EPN1: variants seen among roughly 807,000 people sequenced by gnomAD.
The protein encoded by EPN1 is epsin-1.
In EPN1, 25 loss-of-function variants were observed where a neutral mutation model predicts 56.9. That is an observed-to-expected ratio of 0.44 (90% confidence interval 0.32 to 0.61). The LOEUF is 0.61. EPN1 is among the 20% of genes least tolerant of loss of function. The pLI, the probability that EPN1 is intolerant of heterozygous loss-of-function variation, is 0.05. For missense variants in EPN1, 785 were observed against 823.7 expected (o/e 0.95, Z 0.58); for synonymous variants, 411 against 361.8 (o/e 1.14, Z -1.54).
Position 55,695,266 on chromosome 19 carries a change from G to A in EPN1, c.1641G>A (p.Thr547=), listed in dbSNP as rs367985905. ...CTCCCGTCCCTGGAGCGCCACCCAC[G>A]TACATCTCTCCCCTTGGCGGGGGCC... ...PVPPVPGAPP[T]YISPLGGGPG... is the part of the protein sequence containing the mutation. The change falls in exon 11 of 11, where the codon ACG becomes ACA. Residue 547 remains threonine, a synonymous_variant. Coordinates refer to ENST00000270460, the MANE Select transcript of EPN1 (RefSeq NM_001130072.2). This position sits in a 1 kb window ranked among gnomAD's most constrained non-coding sequence, Gnocchi z 4.4. The A allele has an allele frequency of 2.5e-5, 40 of 1,607,774 alleles. No individual in the cohort carries two copies. The highest frequency in any genetic ancestry group is 1.6e-4 in the Middle Eastern group (1 of 6,080).
chr19:55,682,724 C>T (rs943788593), intron 2 of EPN1, among the ~76,000 whole-genome samples: 4 of 151,944 alleles, frequency 2.6e-5, no homozygotes, highest in African/African-American at 9.7e-5. Context: ...TTTGCCACTG[C>T]ACCCGATTTT....
rs760203814 is a variant in EPN1, at chr19:55,695,121, C to T, written c.1523-27C>T. 31 of 1,613,114 alleles carry T rather than the reference C, an allele frequency of 1.9e-5. No individual in the cohort carries two copies. The Admixed American group carries it at 3.8e-4, about 20-fold the overall frequency. ...GTGGGCTGCGCCACTGACTCCACTC[C>T]GTGTCTCTGGTTTACTCTTCCTGCA... On this transcript the variant is annotated intron_variant, in intron 10 of 10. Coordinates refer to ENST00000270460, the MANE Select transcript of EPN1 (RefSeq NM_001130072.2). This position sits in a 1 kb window ranked among gnomAD's most constrained non-coding sequence, Gnocchi z 4.4.
intron 1 of EPN1, chr19:55,677,255 C>CT: frequency 8.4e-7 from 1 of 1,194,238 alleles, no homozygotes; most frequent in South Asian, 1.3e-5. Flanking sequence ...ACCTCTGTGT[C>CT]TCAGTTTCCA....
At position 55,706,232 on chromosome 19, in the gene EPN1, TTTC is replaced by T; in HGVS notation, c.*10881_*10883del. 1 of 152,038 alleles carries T rather than the reference TTTC, an allele frequency of 6.6e-6. No individual in the cohort carries two copies. The highest frequency in any genetic ancestry group is 1.4e-5 in the Non-Finnish European group (1 of 69,234). The allele number at this position is 152,038 out of a possible 1,614,324, so 9.4% of individuals were successfully genotyped here. Reference sequence around the variant, plus strand: ...ATTTTTCTTTCTTCCTTTCCTCCTCTTTCTTCTCCTTTTTCCTCCTCTTTTCTT... The same window carrying T: ...ATTTTTCTTTCTTCCTTTCCTCCTCTTTCTCCTTTTTCCTCCTCTTTTCTT... On this transcript the variant is annotated 3_prime_UTR_variant, in exon 11 of 11. Transcript: ENST00000270460.
In EPN1 at chr19:55,678,579, C is replaced by T. The variant is rs775859328; in HGVS notation, c.-49C>T. On this transcript the variant is annotated 5_prime_UTR_variant, in exon 2 of 11. Transcript: ENST00000270460. ...AGCCTTCGTCCGGGAGTCGCCCCAT[C>T]TCTCCACGCATCGGGGCCCTGTGCC... is the stretch of plus-strand genomic sequence containing the variant. 3 of 1,567,384 alleles carry T rather than the reference C, an allele frequency of 1.9e-6. No individual in the cohort carries two copies. The highest frequency in any genetic ancestry group is 2.7e-5 in the African/African-American group (2 of 73,908).
chr19:55,698,585 T>C lies in EPN1; in HGVS notation c.*3229T>C, dbSNP rs1987000923. ...CTCGCCCTATCCTCGCTCCTCGCCC[T>C]ACGCTTGCCCCTCGCTCTGGAGCTG... On this transcript the variant is annotated 3_prime_UTR_variant, in exon 11 of 11. Transcript: ENST00000270460. 1 of 152,520 alleles carries C rather than the reference T, an allele frequency of 6.6e-6. No homozygotes were observed. The highest frequency in any genetic ancestry group is 6.5e-5 in the Admixed American group (1 of 15,282). 9.4% of individuals were successfully genotyped at this position (152,520 alleles called of 1,614,324 possible). A position where few individuals can be genotyped will look rare whatever the true frequency, so the allele number is the denominator to read the frequency against.
chr19:55,705,573 C>G lies in EPN1; in HGVS notation c.*10217C>G, dbSNP rs112447293. ...CTGAGATGGGAGAATCGTTTGAGCC[C>G]GGGAGGTGGAGGTTGCAGTGAGCCG... On this transcript the variant is annotated 3_prime_UTR_variant, in exon 11 of 11. Transcript: ENST00000270460. 6.6e-6 allele frequency: 1 copy of G among 152,002 alleles called. No individual in the cohort carries two copies. The highest frequency in any genetic ancestry group is 6.6e-5 in the Admixed American group (1 of 15,254). 9.4% of individuals were successfully genotyped at this position (152,002 alleles called of 1,614,324 possible). A position where few individuals can be genotyped will look rare whatever the true frequency, so the allele number is the denominator to read the frequency against.
At chr19:55,690,021 G>A in intron 6 of EPN1, 71 bp downstream of exon 6, 1 of 1,406,134 alleles carries the variant, frequency 7.1e-7, no homozygotes, top group Non-Finnish European at 9.7e-7. Context: ...ATTCCTGCGT[G>A]GCCAGGTCCC....
intron 9 of EPN1, among the ~76,000 whole-genome samples, chr19:55,693,868 C>T (rs1184965699): frequency 6.6e-6 from 1 of 151,962 alleles, no homozygotes; most frequent in Non-Finnish European, 1.5e-5. Flanking sequence ...CTTTTTTGTC[C>T]CATACAAATG....
intron 1 of EPN1, chr19:55,677,030 C>T (rs1366619340): frequency 2.2e-6 from 3 of 1,349,148 alleles, no homozygotes; most frequent in Non-Finnish European, 3.0e-6. Context: ...TTTTAACTAG[C>T]TACATCTGTC....
intron 3 of EPN1, among the ~76,000 whole-genome samples, chr19:55,688,106 G>T (rs2122195669): frequency 6.6e-6 from 1 of 152,340 alleles, no homozygotes; most frequent in South Asian, 2.1e-4. Context: ...GGCTTTGGAG[G>T]CTGGGGCAAT....
chr19:55,701,129 C>G lies in EPN1; in HGVS notation c.*5773C>G, dbSNP rs1004219255. The G allele has an allele frequency of 5.3e-5, 8 of 152,138 alleles. No homozygotes were observed. The highest frequency in any genetic ancestry group is 1.9e-4 in the African/African-American group (8 of 41,424). 9.4% of individuals were successfully genotyped at this position (152,138 alleles called of 1,614,324 possible). Reference sequence around the variant, plus strand: ...CTGGACTCGGTGCTTGAAACATGTCCTGACAGCCACATGAAAAGGGTTAGA... The same window carrying G: ...CTGGACTCGGTGCTTGAAACATGTCGTGACAGCCACATGAAAAGGGTTAGA... On this transcript the variant is annotated 3_prime_UTR_variant, in exon 11 of 11. Coordinates refer to ENST00000270460, the MANE Select transcript of EPN1 (RefSeq NM_001130072.2).
rs1325874989 is a variant in EPN1 at position 55,704,482 on chromosome 19, AGGAGAGAGGCCTTGGC to A, written c.*9130_*9145del. ...GGAGAAGACAGCCGTCTGGGAGCCA[AGGAGAGAGGCCTTGGC>A]GGAAGCCAACCCTGCAGCACCTTCA... On this transcript the variant is annotated 3_prime_UTR_variant, in exon 11 of 11. Transcript: ENST00000270460. 1 of 152,262 alleles carries A rather than the reference AGGAGAGAGGCCTTGGC, an allele frequency of 6.6e-6. No individual in the cohort carries two copies. The highest frequency in any genetic ancestry group is 6.5e-5 in the Admixed American group (1 of 15,286). The allele number at this position is 152,262 out of a possible 1,614,324, so 9.4% of individuals were successfully genotyped here.
At position 55,706,969 on chromosome 19, in the gene EPN1, G is replaced by A. The variant is rs1987454222; in HGVS notation, c.*11613G>A. On this transcript the variant is annotated 3_prime_UTR_variant, in exon 11 of 11. Coordinates refer to ENST00000270460, the MANE Select transcript of EPN1 (RefSeq NM_001130072.2). ...GCAGGCGGATTACCTCAGGTCAGGA[G>A]TTTGAGACCAGCCTGACCAACATGG... The A allele has an allele frequency of 1.3e-5, 2 of 152,210 alleles. No individual in the cohort carries two copies. 9.4% of individuals were successfully genotyped at this position (152,210 alleles called of 1,614,324 possible). A position where few individuals can be genotyped will look rare whatever the true frequency, so the allele number is the denominator to read the frequency against.
rs1201053969 is a variant in EPN1 at position 55,692,711 on chromosome 19, A to G, written c.1092A>G (p.Ser364=). ...GTGGGGTCCCGGTCAGTGGGCCCTC[A>G]GCCTCCGATCCCTGGACACCGGCCC... The part of the protein sequence containing the change: ...SDGGVPVSGP[S]ASDPWTPAPA... The change falls in exon 8 of 11, where the codon TCA becomes TCG. Residue 364 remains serine (S), a synonymous_variant. Coordinates refer to ENST00000270460, the MANE Select transcript of EPN1 (RefSeq NM_001130072.2). 3 of 1,554,988 alleles carry G rather than the reference A, an allele frequency of 1.9e-6. No individual in the cohort carries two copies. The highest frequency in any genetic ancestry group is 2.6e-6 in the Non-Finnish European group (3 of 1,149,524).
intron 3 of EPN1, among the ~76,000 whole-genome samples, chr19:55,686,199 C>T (rs573387362): frequency 6.6e-6 from 1 of 152,334 alleles, no homozygotes; most frequent in African/African-American, 2.4e-5. Context: ...TGAAATAGTG[C>T]ATCCCACATC....
intron 1 of EPN1, 47 bp from the exon 2 acceptor site, chr19:55,678,480 C>T: frequency 6.7e-7 from 1 of 1,494,716 alleles, no homozygotes; most frequent in Non-Finnish European, 8.9e-7. Flanking sequence ...GGGCTCTGGG[C>T]AGGCCATGTC....
chr19:55,694,468 T>G lies in EPN1; in HGVS notation c.1265-258T>G. On this transcript the variant is annotated intron_variant, in intron 9 of 10. Coordinates refer to ENST00000270460, the MANE Select transcript of EPN1 (RefSeq NM_001130072.2). The surrounding 1 kb of genome is among the most constrained non-coding windows in gnomAD (Gnocchi z 4.2). ...CCCTGAAGCAGTTGCTGCCCTCTGGTTGTCAGAGGGTGACACCTGCTTCTG... is the reference window on the plus strand; with the variant it reads ...CCCTGAAGCAGTTGCTGCCCTCTGGGTGTCAGAGGGTGACACCTGCTTCTG... 2 of 408,056 alleles carry G rather than the reference T, an allele frequency of 4.9e-6. No homozygotes were observed. Among genetic ancestry groups the G allele is most frequent in the Non-Finnish European group, 8.6e-6 (2 of 232,834 alleles). The allele number at this position is 408,056 out of a possible 1,614,324, so 25.3% of individuals were successfully genotyped here. A position where few individuals can be genotyped will look rare whatever the true frequency, so the allele number is the denominator to read the frequency against.
rs201279708 is a variant in EPN1, at chr19:55,700,270, CTTATTA to C, written c.*4923_*4928del. On this transcript the variant is annotated 3_prime_UTR_variant, in exon 11 of 11. Coordinates refer to ENST00000270460, the MANE Select transcript of EPN1 (RefSeq NM_001130072.2). ...GCTCCATAAATACAAACTTCCTTTC[CTTATTA>C]TTATTATTTATTTTTTTTTTGAGAT... 1 of 146,950 alleles carries C rather than the reference CTTATTA, an allele frequency of 6.8e-6. No homozygotes were observed. The highest frequency in any genetic ancestry group is 1.5e-5 in the Non-Finnish European group (1 of 67,530). 9.1% of individuals were successfully genotyped at this position (146,950 alleles called of 1,614,324 possible).
Sources: allele counts gnomAD v4.1 joint callset (sites outside exome capture counted in the v4.1 genomes callset), GRCh38; gene constraint gnomAD v4.1.1; non-coding constraint Gnocchi (gnomAD v3.1); transcripts MANE v1.5; gene names NCBI Gene and HGNC (gene_info 2026-07-23, HGNC 2026-07-21).